Variants in TRIM61 observed in about 807,000 individuals in gnomAD.
The protein encoded by TRIM61 is putative tripartite motif-containing protein 61.
TRIM61 carries 1 observed loss-of-function variant against 14.2 expected under a neutral mutation model. The ratio of observed to expected loss-of-function variants is 0.07; its 90% confidence interval spans 0.03 to 0.33. TRIM61 has a LOEUF of 0.33. Among genes scored for constraint, TRIM61 ranks in the 10% least tolerant of loss-of-function variants. The pLI, the probability that TRIM61 is intolerant of heterozygous loss-of-function variation, is 0.99. For missense variants in TRIM61, 19 were observed against 202.2 expected (o/e 0.09, Z 5.49); for synonymous variants, 8 against 71.6 (o/e 0.11, Z 4.49).
chr4:164,974,324 GA>G (rs1439815276), intron 2 of TRIM61, among the ~76,000 whole-genome samples: 1 of 152,224 alleles, frequency 6.6e-6, no homozygotes, highest in African/African-American at 2.4e-5. Flanking sequence ...GAGTAAGACA[GA>G]AGTTTTAGAA....
chr4:164,977,138 A>G (rs1732499050), intron 1 of TRIM61, among the ~76,000 whole-genome samples: 1 of 152,024 alleles, frequency 6.6e-6, no homozygotes, highest in Non-Finnish European at 1.5e-5. Flanking sequence ...TACCTGTAAG[A>G]CCCTTGTGAG....
At chr4:164,960,416 A>G (rs942111579) in intron 3 of TRIM61, among the ~76,000 whole-genome samples, 1 of 152,010 alleles carries the variant, frequency 6.6e-6, no homozygotes, top group African/African-American at 2.4e-5. Context: ...ATAGGTAGGC[A>G]TGGTGGCAGG....
chr4:164,968,716 A>G, intron 3 of TRIM61: 1 of 983,848 alleles, frequency 1.0e-6, no homozygotes, highest in Non-Finnish European at 1.2e-6. Context: ...TCAAATTATA[A>G]AAGGAAACTT....
chr4:164,976,423 C>T (rs1732485858), intron 2 of TRIM61, among the ~76,000 whole-genome samples: 1 of 152,128 alleles, frequency 6.6e-6, no homozygotes. Flanking sequence ...TCATTGTGCC[C>T]TCCTTTCCCC....
intron 3 of TRIM61, among the ~76,000 whole-genome samples, chr4:164,964,347 C>CAA (rs70952673): frequency 3.8e-4 from 27 of 71,802 alleles, no homozygotes; most frequent in African/African-American, 8.1e-4. Context: ...GACTCTGTCT[C>CAA]AAAAAAAAAA....
At chr4:164,968,290 A>C in intron 3 of TRIM61, 1 of 842,894 alleles carries the variant, frequency 1.2e-6, no homozygotes, top group Non-Finnish European at 1.4e-6. Flanking sequence ...ATACAGAAAA[A>C]AATTACTGGG....
chr4:164,969,011 C>T, intron 3 of TRIM61: 1 of 1,034,168 alleles, frequency 9.7e-7, no homozygotes, highest in Non-Finnish European at 1.2e-6. Context: ...ATAAAATCTT[C>T]TTGGGTTATG....
At chr4:164,975,959 G>A (rs879290150) in intron 2 of TRIM61, among the ~76,000 whole-genome samples, 3 of 152,194 alleles carry the variant, frequency 2.0e-5, no homozygotes, top group Admixed American at 6.5e-5. Context: ...GAGAAAAACC[G>A]CCCTATGGTG....
intron 3 of TRIM61, chr4:164,955,191 C>G (rs890945404): frequency 1.3e-5 from 2 of 157,296 alleles, no homozygotes; most frequent in Non-Finnish European, 2.8e-5. Flanking sequence ...ACTCTGACAT[C>G]GTATATGAGA....
intron 3 of TRIM61, chr4:164,968,299 G>A: frequency 7.3e-6 from 7 of 958,026 alleles, no homozygotes; most frequent in Non-Finnish European, 8.7e-6. Flanking sequence ...AAAATTACTG[G>A]GCTTTTATTG....
intron 2 of TRIM61, among the ~76,000 whole-genome samples, chr4:164,974,647 A>G (rs1732442836): frequency 6.6e-6 from 1 of 152,180 alleles, no homozygotes; most frequent in African/African-American, 2.4e-5. Flanking sequence ...TGGGAGGCCA[A>G]GCTGGGTGGA....
chr4:164,963,898 A>T (rs1395888652), intron 3 of TRIM61, among the ~76,000 whole-genome samples: 1 of 152,188 alleles, frequency 6.6e-6, no homozygotes, highest in Admixed American at 6.5e-5. Context: ...AGTCTCAGGG[A>T]AATTAAATAT....
At position 164,968,270 on chromosome 4, in the gene TRIM61, T is replaced by A; in HGVS notation, c.525+1208A>T. On this transcript the variant is annotated intron_variant, in intron 3 of 4. Transcript: ENST00000329314. ...GACTTAATCTTTCTTAAAGGAAAAGTATATAAGAAATACAGAAAAAAATTA... is the reference window on the plus strand; with the variant it reads ...GACTTAATCTTTCTTAAAGGAAAAGAATATAAGAAATACAGAAAAAAATTA... 3 of 939,024 alleles carry A rather than the reference T, an allele frequency of 3.2e-6. No homozygotes were observed. The highest frequency in any genetic ancestry group is 3.8e-6 in the Non-Finnish European group (3 of 795,830). 58.2% of individuals were successfully genotyped at this position (939,024 alleles called of 1,614,324 possible). A position where few individuals can be genotyped will look rare whatever the true frequency, so the allele number is the denominator to read the frequency against.
At chr4:164,976,225 A>T (rs1279384066) in intron 2 of TRIM61, among the ~76,000 whole-genome samples, 1 of 152,246 alleles carries the variant, frequency 6.6e-6, no homozygotes, top group Non-Finnish European at 1.5e-5. Context: ...GGGAACTCAG[A>T]GGCCGGTGCC....
At position 164,961,814 on chromosome 4, in the gene TRIM61, C is replaced by T. The variant is rs138938105; in HGVS notation, c.526-6718G>A. On this transcript the variant is annotated intron_variant, in intron 3 of 4. Coordinates refer to ENST00000329314, the MANE Select transcript of TRIM61 (RefSeq NM_001012414.3). Reference sequence around the variant, plus strand: ...GTCCAAGTAAAAAAATACATGACTGCCATGCATACGTTAACTATAGGAATA... The same window carrying T: ...GTCCAAGTAAAAAAATACATGACTGTCATGCATACGTTAACTATAGGAATA... Among the ~76,000 whole-genome samples the T allele has an allele frequency of 4.3e-3, 647 of 152,216 alleles. 5 individuals carry two copies. The highest frequency in any genetic ancestry group is 0.01 in the Middle Eastern group (3 of 294).
intron 3 of TRIM61, chr4:164,968,727 C>G: frequency 1.0e-6 from 1 of 982,308 alleles, no homozygotes; most frequent in Non-Finnish European, 1.2e-6. Context: ...AAGGAAACTT[C>G]ATTCATTTCA....
chr4:164,964,885 T>A (rs2111140587), intron 3 of TRIM61, among the ~76,000 whole-genome samples: 1 of 152,342 alleles, frequency 6.6e-6, no homozygotes, highest in Non-Finnish European at 1.5e-5. Flanking sequence ...CTCGAATATA[T>A]CAGTTGATCC....
intron 3 of TRIM61, chr4:164,957,307 A>G: frequency 6.2e-7 from 1 of 1,614,134 alleles, no homozygotes; most frequent in Non-Finnish European, 8.5e-7. Flanking sequence ...CATGGTGCCC[A>G]GAGAGGAATT....
intron 2 of TRIM61, among the ~76,000 whole-genome samples, chr4:164,974,107 T>A (rs529343589): frequency 6.6e-6 from 1 of 152,206 alleles, no homozygotes; most frequent in Admixed American, 6.5e-5. Flanking sequence ...GAGGCAGAGG[T>A]TGCAGTGAGT....
Sources: gnomAD v4.1 joint callset for allele counts (sites outside exome capture counted in the v4.1 genomes callset) on GRCh38, gnomAD v4.1.1 for gene constraint, MANE v1.5 for transcripts, NCBI Gene and HGNC (gene_info 2026-07-23, HGNC 2026-07-21) for gene names.